The following ATP13A4 variants were observed in gnomAD, a reference collection of about 807,000 sequenced individuals.
ATP13A4 encodes ATPase 13A4, also known as probable cation-transporting ATPase 13A4.
In ATP13A4, 114 loss-of-function variants were observed where a neutral mutation model predicts 142.5. The ratio of observed to expected loss-of-function variants is 0.80; its 90% CI spans 0.69 to 0.93. ATP13A4 has a LOEUF of 0.93. Ranked by LOEUF, ATP13A4 falls within the 40% of genes least tolerant of loss-of-function variation. The pLI is 0.00. For synonymous variants in ATP13A4, 488 were observed against 514.8 expected, an observed-to-expected ratio of 0.95 and a Z score of 0.70; for missense variants, 1,392 against 1,454.0, an observed-to-expected ratio of 0.96 and a Z score of 0.69.
In ATP13A4 at chr3:193,466,066, T is replaced by C; in HGVS notation, c.1231A>G (p.Ile411Val). 1.2e-6 allele frequency: 2 copies of C among 1,614,170 alleles called. No homozygotes were observed. The highest frequency in any genetic ancestry group is 2.7e-5 in the African/African-American group (2 of 75,034). Reference sequence around the variant, plus strand: ...ACACACAGAGTATAGATCATCCCAATGGTGGCTGTTCCTACAAGGCACAGG... The same window carrying C: ...ACACACAGAGTATAGATCATCCCAACGGTGGCTGTTCCTACAAGGCACAGG... ...FLLCLVGTATIGMIYTLCVYV... is the reference protein window; with the variant it reads ...FLLCLVGTATVGMIYTLCVYV... Residue 411 changes from isoleucine (I) to valine (V), a missense_variant, in exon 11 of 30, where the codon ATT becomes GTT. Ile to Val is a conservative substitution (Grantham distance 29, BLOSUM62 3). Transcript: ENST00000342695.
chr3:193,551,438 T>A (rs909136409), intron 1 of ATP13A4, among the ~76,000 whole-genome samples: 21 of 152,014 alleles, frequency 1.4e-4, no homozygotes, highest in African/African-American at 5.1e-4. Flanking sequence ...AAAGTACATA[T>A]TCCTTTTGGT....
intron 1 of ATP13A4, among the ~76,000 whole-genome samples, chr3:193,534,952 CA>C (rs35260740): frequency 0.17 from 24,952 of 148,656 alleles, 2,150 homozygotes; most frequent in Non-Finnish European, 0.19. Context: ...AAAATAAAGA[CA>C]AAAAAAAAAT....
At chr3:193,553,563 T>C (rs281816) in intron 1 of ATP13A4, 66,915 of 152,102 alleles carry the variant, frequency 0.44, 14,806 homozygotes, top group South Asian at 0.57. Flanking sequence ...TGATATCCAA[T>C]GTGGGCTAGC....
At chr3:193,463,025 T>A (rs1718048982) in intron 12 of ATP13A4, among the ~76,000 whole-genome samples, 1 of 150,902 alleles carries the variant, frequency 6.6e-6, no homozygotes, top group South Asian at 2.1e-4. Context: ...GAAGACTCCG[T>A]AGTGCAGATA....
At chr3:193,438,025 C>T (rs1450963400) in intron 23 of ATP13A4, among the ~76,000 whole-genome samples, 1 of 151,798 alleles carries the variant, frequency 6.6e-6, no homozygotes, top group African/African-American at 2.4e-5. Context: ...GTAGAAACGG[C>T]GTTTCACCAT....
At chr3:193,571,689 T>A (rs1724269665) in intron 2 of ATP13A4, among the ~76,000 whole-genome samples, 1 of 152,130 alleles carries the variant, frequency 6.6e-6, no homozygotes, top group Non-Finnish European at 1.5e-5. Flanking sequence ...TGAAGGGCAT[T>A]TTATAAAACA....
chr3:193,511,227 G>A (rs1199606244), intron 2 of ATP13A4, among the ~76,000 whole-genome samples: 1 of 152,228 alleles, frequency 6.6e-6, no homozygotes, highest in African/African-American at 2.4e-5. Flanking sequence ...CTGTGGAGGG[G>A]CAGTGAAATT....
At chr3:193,535,176 C>T (rs569981911) in intron 1 of ATP13A4, among the ~76,000 whole-genome samples, 12 of 152,118 alleles carry the variant, frequency 7.9e-5, no homozygotes, top group South Asian at 6.2e-4. Flanking sequence ...CATCATCAAC[C>T]GACAGAACTT....
chr3:193,426,361 C>T (rs1013424138), intron 25 of ATP13A4, among the ~76,000 whole-genome samples: 1 of 151,646 alleles, frequency 6.6e-6, no homozygotes, highest in Admixed American at 6.6e-5. Flanking sequence ...AAAGATGACA[C>T]AAATAAATGG....
At chr3:193,439,392 C>A (rs1716493417) in intron 21 of ATP13A4, among the ~76,000 whole-genome samples, 1 of 152,302 alleles carries the variant, frequency 6.6e-6, no homozygotes, top group Admixed American at 6.5e-5. Flanking sequence ...GATTTGAAAC[C>A]AGATGCAGAT....
chr3:193,491,173 A>C (rs1719920524), intron 6 of ATP13A4, among the ~76,000 whole-genome samples, 156 bp downstream of exon 6: 1 of 152,240 alleles, frequency 6.6e-6, no homozygotes, highest in African/African-American at 2.4e-5. Context: ...GAAGAAAAAG[A>C]GTAAGCAAGA....
chr3:193,553,514 T>G (rs984093336), intron 1 of ATP13A4: 3 of 152,222 alleles, frequency 2.0e-5, no homozygotes, highest in Admixed American at 6.5e-5. Flanking sequence ...AGTAATGAGA[T>G]ATTCACTTCC....
intron 2 of ATP13A4, among the ~76,000 whole-genome samples, chr3:193,512,737 T>A (rs1167577801): frequency 6.6e-6 from 1 of 152,142 alleles, no homozygotes; most frequent in Non-Finnish European, 1.5e-5. Flanking sequence ...TACAGTGCAA[T>A]GGAAAAGCCC....
At chr3:193,557,002 C>A (rs945547656), upstream of ATP13A4, among the ~76,000 whole-genome samples, 2 of 152,098 alleles carry the variant, frequency 1.3e-5, no homozygotes, top group African/African-American at 4.8e-5. Flanking sequence ...TTATCACTGG[C>A]AATATTTGCA....
chr3:193,458,368 G>A (rs117534905), intron 14 of ATP13A4, among the ~76,000 whole-genome samples: 17 of 152,306 alleles, frequency 1.1e-4, no homozygotes, highest in African/African-American at 4.1e-4. Context: ...TTTACGAGAA[G>A]ATTCCAGATT....
rs76996756 is a variant in ATP13A4, at chr3:193,532,707, G to T, written c.61-17836C>A. Among the ~76,000 whole-genome samples the T allele has an allele frequency of 5.5e-3, 829 of 152,032 alleles. 14 individuals carry two copies. In the East Asian group the frequency reaches 0.07, roughly 13 times the overall value. ...AGTAATGCAATTATTATTTCTAGGAGTCTATCTTAAGGAAATAATCTGAAA... is the reference window on the plus strand; with the variant it reads ...AGTAATGCAATTATTATTTCTAGGATTCTATCTTAAGGAAATAATCTGAAA... On this transcript the variant is annotated intron_variant, in intron 1 of 29. Coordinates refer to ENST00000342695, the MANE Select transcript of ATP13A4 (RefSeq NM_032279.4).
rs546654162 is a variant in ATP13A4 at position 193,418,275 on chromosome 3, C to T, written c.2843-3525G>A. ...CAGAGCCTGCAGTGAGCCGAGATTG[C>T]GCCACTGCACTCCAGCCTGGGCAAC... is the stretch of plus-strand genomic sequence containing the variant. On this transcript the variant is annotated intron_variant, in intron 25 of 29. Coordinates refer to ENST00000342695, the MANE Select transcript of ATP13A4 (RefSeq NM_032279.4). 1.6e-4 allele frequency among the ~76,000 whole-genome samples: 24 copies of T among 145,828 alleles called. 3 individuals are homozygous for T. The East Asian group carries it at 1.7e-3, about 11-fold the overall frequency.
intron 28 of ATP13A4, 22 bp downstream of exon 28, chr3:193,410,960 A>C (rs1714735787): frequency 1.4e-6 from 2 of 1,435,870 alleles, no homozygotes; most frequent in Non-Finnish European, 2.0e-6. Flanking sequence ...AAGCATCATC[A>C]TATCCCAAAG....
At chr3:193,554,989 C>T (rs764069394), upstream of ATP13A4, 24 of 1,441,784 alleles carry the variant, frequency 1.7e-5, no homozygotes, top group East Asian at 2.5e-5. Context: ...ACTCCTCCCA[C>T]GAGTCGCCCT....
Sources: allele counts gnomAD v4.1 joint callset (sites outside exome capture counted in the v4.1 genomes callset), GRCh38; gene constraint gnomAD v4.1.1; transcripts MANE v1.5; gene names NCBI Gene and HGNC (gene_info 2026-07-23, HGNC 2026-07-21).